The following SLC28A3 variants were observed in gnomAD, a reference collection of about 807,000 sequenced individuals.
SLC28A3 encodes the protein solute carrier family 28 member 3.
In SLC28A3, 68 loss-of-function variants were observed where a neutral mutation model predicts 84.2. The ratio of observed to expected loss-of-function variants is 0.81; its 90% CI spans 0.66 to 0.99. The LOEUF (loss-of-function observed/expected upper bound fraction) is 0.99, where lower values mean the gene tolerates loss of function less well. Among genes scored for constraint, SLC28A3 ranks in the 50% least tolerant of loss-of-function variants. SLC28A3 has a pLI of 0.00. For synonymous variants in SLC28A3, 267 were observed against 303.6 expected, an observed-to-expected ratio of 0.88 and a Z score of 1.25; for missense variants, 712 against 841.5, an observed-to-expected ratio of 0.85 and a Z score of 1.90.
At chr9:84,361,062 C>T in the SLC28A3 span, among the ~76,000 whole-genome samples, 2 of 152,014 alleles carry the variant, frequency 1.3e-5, no homozygotes, top group African/African-American at 2.4e-5. Context: ...GTTAAACATG[C>T]AGGCCGGGTG....
intron 4 of SLC28A3, among the ~76,000 whole-genome samples, chr9:84,303,668 T>G (rs1406755726): frequency 6.6e-6 from 1 of 152,160 alleles, no homozygotes; most frequent in Non-Finnish European, 1.5e-5. Flanking sequence ...AGGCATTTCC[T>G]CTTGATATGA....
chr9:84,301,494 TG>T (rs1211680272), intron 5 of SLC28A3, among the ~76,000 whole-genome samples: 2 of 151,780 alleles, frequency 1.3e-5, no homozygotes, highest in African/African-American at 2.4e-5. Context: ...GAATGATGAA[TG>T]AAAAAAATTA....
intron 8 of SLC28A3, among the ~76,000 whole-genome samples, chr9:84,296,583 G>T (rs1023038965): frequency 4.6e-5 from 7 of 152,228 alleles, no homozygotes; most frequent in African/African-American, 1.2e-4. Flanking sequence ...GCTTCCTGGG[G>T]CATGTGGGAG....
At chr9:84,297,478 T>C (rs1288545674) in intron 7 of SLC28A3, among the ~76,000 whole-genome samples, 180 bp from the exon 8 acceptor site, 1 of 152,216 alleles carries the variant, frequency 6.6e-6, no homozygotes, top group Non-Finnish European at 1.5e-5. Flanking sequence ...TTTTGAAATA[T>C]TCCTGGATAC....
intron 1 of SLC28A3, among the ~76,000 whole-genome samples, chr9:84,329,653 C>G (rs1826700648): frequency 6.6e-6 from 1 of 150,776 alleles, no homozygotes; most frequent in Non-Finnish European, 1.5e-5. Flanking sequence ...GCCTGGGTGA[C>G]AGAGTGAGAC....
the SLC28A3 span, among the ~76,000 whole-genome samples, chr9:84,348,243 A>G: frequency 1.3e-5 from 2 of 151,758 alleles, no homozygotes; most frequent in Admixed American, 6.6e-5. Flanking sequence ...AGTCGCAGCT[A>G]CTTGGGAAGC....
At chr9:84,310,792 A>C (rs9792448) in intron 2 of SLC28A3, among the ~76,000 whole-genome samples, 65 of 152,076 alleles carry the variant, frequency 4.3e-4, no homozygotes, top group African/African-American at 1.4e-3. Flanking sequence ...CTTCTGAGGA[A>C]GGGCTGGAGT....
In SLC28A3 at chr9:84,278,294, A is replaced by AGAC; in HGVS notation, c.1997_1999dup (p.Ser666_Leu667insArg). The AGAC allele has an allele frequency of 1.9e-6, 3 of 1,614,214 alleles. No homozygotes were observed. The African/African-American group carries it at 4.0e-5, about 22-fold the overall frequency. ...TGTGCAGCAGCCCTTCAAAGAATACAGACTGTGGTTTCCTCCTGGGATGAC... is the reference window on the plus strand; with the variant it reads ...TGTGCAGCAGCCCTTCAAAGAATACAGACGACTGTGGTTTCCTCCTGGGATGAC... On this transcript the variant is annotated inframe_insertion, in exon 18 of 18. Coordinates refer to ENST00000376238, the MANE Select transcript of SLC28A3 (RefSeq NM_001199633.2).
At position 84,295,610 on chromosome 9, in the gene SLC28A3, A is replaced by C. The variant is rs556005964; in HGVS notation, c.862-1335T>G. Among the ~76,000 whole-genome samples, 548 of 143,050 alleles carry C rather than the reference A, an allele frequency of 3.8e-3. 6 individuals are homozygous for C. Among genetic ancestry groups the C allele is most frequent in the African/African-American group, 0.015 (508 of 34,676 alleles). 93.8% of individuals were successfully genotyped at this position (143,050 alleles called of 152,430 possible). On this transcript the variant is annotated intron_variant, in intron 8 of 17. Coordinates refer to ENST00000376238, the MANE Select transcript of SLC28A3 (RefSeq NM_001199633.2). The stretch of plus-strand genomic sequence containing the variant: ...AAAAACAAACAAACAAACAAACAAA[A>C]CAAACAAACAAAAAACCATTGCATT...
intron 2 of SLC28A3, among the ~76,000 whole-genome samples, chr9:84,311,392 A>G (rs10780661): frequency 0.23 from 34,438 of 151,766 alleles, 4,266 homozygotes; most frequent in East Asian, 0.53. Context: ...AAATGAACCC[A>G]GAGAAGTACA....
rs542083748 is a variant in SLC28A3 at position 84,319,725 on chromosome 9, G to T, written c.61-6271C>A. ...GCCTTTTTCTGACTTAGGCTGATTT[G>T]TTTGAGTAGAGAAAGACACTGCCAT... On this transcript the variant is annotated intron_variant, in intron 1 of 17. Coordinates refer to ENST00000376238, the MANE Select transcript of SLC28A3 (RefSeq NM_001199633.2). Among the ~76,000 whole-genome samples the T allele has an allele frequency of 8.7e-4, 132 of 152,126 alleles. 2 individuals carry two copies. Among genetic ancestry groups the T allele is most frequent in the African/African-American group, 3.1e-3 (128 of 41,478 alleles).
chr9:84,297,215 C>A lies in SLC28A3; in HGVS notation c.861+6G>T, dbSNP rs368453410. On this transcript the variant is annotated splice_donor_region_variant and intron_variant, in intron 8 of 17. Transcript: ENST00000376238. The stretch of plus-strand genomic sequence containing the variant: ...GCGACTACATAGAAAAAAGGTTTGA[C>A]TTTACCTTAAATGCAAAGAAGTGGT... 3.1e-6 allele frequency: 5 copies of A among 1,610,944 alleles called. No individual in the cohort carries two copies. In the African/African-American group the frequency reaches 6.7e-5, roughly 22 times the overall value.
intron 16 of SLC28A3, among the ~76,000 whole-genome samples, chr9:84,279,754 C>G (rs986881358): frequency 6.6e-6 from 1 of 152,220 alleles, no homozygotes; most frequent in African/African-American, 2.4e-5. Context: ...TGCACCCGGC[C>G]CCATTTATTT....
At chr9:84,359,984 A>T in the SLC28A3 span, among the ~76,000 whole-genome samples, 1 of 150,802 alleles carries the variant, frequency 6.6e-6, no homozygotes, top group African/African-American at 2.4e-5. Context: ...CCTGGGCAAC[A>T]AGAGCAAAAC....
intron 7 of SLC28A3, 120 bp downstream of exon 7, chr9:84,297,786 C>G (rs1240760342): frequency 6.2e-6 from 5 of 803,942 alleles, no homozygotes; most frequent in Middle Eastern, 2.8e-4. Flanking sequence ...ACCCATGATG[C>G]AGAATTAAAA....
At chr9:84,288,436 C>T (rs1172426121) in intron 11 of SLC28A3, among the ~76,000 whole-genome samples, 1 of 152,178 alleles carries the variant, frequency 6.6e-6, no homozygotes, top group East Asian at 1.9e-4. Context: ...AAACCAAAAT[C>T]TGATCGTTTC....
At chr9:84,311,711 C>G (rs1825994227) in intron 2 of SLC28A3, among the ~76,000 whole-genome samples, 1 of 151,822 alleles carries the variant, frequency 6.6e-6, no homozygotes. Flanking sequence ...AAAAAATTAG[C>G]TGGGCACAGT....
At chr9:84,306,929 A>G (rs1387874561) in intron 3 of SLC28A3, among the ~76,000 whole-genome samples, 1 of 139,688 alleles carries the variant, frequency 7.2e-6, no homozygotes, top group Non-Finnish European at 1.5e-5. Flanking sequence ...AGGCCAAAGT[A>G]GAAGGATTAT....
chr9:84,277,721 CAATGAG>C lies in SLC28A3; in HGVS notation c.*491_*496del. ...TTCTGCAGGACTTCCTGAGGGTAGT[CAATGAG>C]TTGGTGATTGATGACTAGTTTTCCC... On this transcript the variant is annotated 3_prime_UTR_variant, in exon 18 of 18. Coordinates refer to ENST00000376238, the MANE Select transcript of SLC28A3 (RefSeq NM_001199633.2). 1 of 153,342 alleles carries C rather than the reference CAATGAG, an allele frequency of 6.5e-6. No homozygotes were observed. The allele number at this position is 153,342 out of a possible 1,614,324, so 9.5% of individuals were successfully genotyped here.
Sources: gnomAD v4.1 joint callset for allele counts (sites outside exome capture counted in the v4.1 genomes callset) on GRCh38, gnomAD v4.1.1 for gene constraint, MANE v1.5 for transcripts, NCBI Gene and HGNC (gene_info 2026-07-23, HGNC 2026-07-21) for gene names.